The following PRDM10 variants were observed in gnomAD, a reference collection of about 807,000 sequenced individuals.
PRDM10 encodes the protein PR/SET domain 10.
PRDM10 carries 65 observed loss-of-function variants against 133.1 expected under a neutral mutation model. The ratio of observed to expected loss-of-function variants is 0.49; its 90% confidence interval spans 0.40 to 0.60. The LOEUF is 0.60. PRDM10 is among the 20% of genes least tolerant of loss of function. The pLI is 0.00. For missense variants in PRDM10, 1,137 were observed against 1,507.1 expected (o/e 0.75, Z 4.07); for synonymous variants, 582 against 580.4 (o/e 1.00, Z -0.04).
intron 1 of PRDM10, among the ~76,000 whole-genome samples, chr11:129,965,143 C>A (rs1168175002): frequency 4.0e-5 from 6 of 151,870 alleles, no homozygotes; most frequent in Non-Finnish European, 8.8e-5. Context: ...ATTTTATCAG[C>A]AAGACAGGAG....
At chr11:129,940,971 A>C (rs12801743) in intron 7 of PRDM10, among the ~76,000 whole-genome samples, 19,034 of 152,212 alleles carry the variant, frequency 0.13, 1,997 homozygotes, top group East Asian at 0.4. Flanking sequence ...TCACAGTTAA[A>C]AAATATTCAC....
At chr11:129,985,308 T>C (rs1403480377) in intron 1 of PRDM10, among the ~76,000 whole-genome samples, 1 of 152,142 alleles carries the variant, frequency 6.6e-6, no homozygotes, top group East Asian at 1.9e-4. Context: ...TATGTGTATA[T>C]ATATCTCAAT....
At chr11:129,955,192 A>G (rs533228576) in intron 4 of PRDM10, among the ~76,000 whole-genome samples, 3 of 152,324 alleles carry the variant, frequency 2.0e-5, no homozygotes, top group African/African-American at 7.2e-5. Context: ...TACAAAAGCT[A>G]TATCAATTTC....
intron 17 of PRDM10, 55 bp downstream of exon 17, chr11:129,914,649 G>A: frequency 1.3e-6 from 2 of 1,596,646 alleles, no homozygotes; most frequent in Non-Finnish European, 1.7e-6. Flanking sequence ...TGAGAATGAG[G>A]TGCTAGTGGC....
At chr11:129,921,088 C>T (rs1306263434) in intron 13 of PRDM10, among the ~76,000 whole-genome samples, 1 of 152,194 alleles carries the variant, frequency 6.6e-6, no homozygotes, top group African/African-American at 2.4e-5. Flanking sequence ...TGAGCCACCG[C>T]ACCCGGCCAC....
chr11:129,920,412 A>ACCCTTCC (rs1950489556), intron 13 of PRDM10, among the ~76,000 whole-genome samples: 1 of 151,860 alleles, frequency 6.6e-6, no homozygotes, highest in Non-Finnish European at 1.5e-5. Context: ...CTTGCTGTCC[A>ACCCTTCC]CCCTTCCCCC....
At chr11:130,002,631 G>A (rs1939492725) in intron 1 of PRDM10, 91 bp downstream of exon 1, 1 of 153,114 alleles carries the variant, frequency 6.5e-6, no homozygotes, top group Non-Finnish European at 1.5e-5. Context: ...GCCATTTTGG[G>A]TGGGACTAAG....
At chr11:129,955,026 T>C (rs564474608) in intron 4 of PRDM10, among the ~76,000 whole-genome samples, 2 of 152,286 alleles carry the variant, frequency 1.3e-5, no homozygotes, top group East Asian at 3.9e-4. Context: ...CAAAGCCAAG[T>C]AGGATATATC....
At chr11:129,911,704 C>A (rs567963286) in intron 18 of PRDM10, among the ~76,000 whole-genome samples, 1 of 152,298 alleles carries the variant, frequency 6.6e-6, no homozygotes, top group Non-Finnish European at 1.5e-5. Flanking sequence ...TCTCTGAACT[C>A]TGAGAACTTA....
chr11:129,912,587 T>C (rs921278520), intron 17 of PRDM10, among the ~76,000 whole-genome samples: 3 of 150,974 alleles, frequency 2.0e-5, no homozygotes, highest in African/African-American at 7.3e-5. Context: ...CCGTCTCTAC[T>C]GAAAATACAA....
Position 129,926,183 on chromosome 11 carries a change from A to G in PRDM10, c.1531-954T>C, listed in dbSNP as rs568757831. 1.1e-4 allele frequency among the ~76,000 whole-genome samples: 17 copies of G among 152,328 alleles called. No individual in the cohort carries two copies. The South Asian group carries it at 3.3e-3, about 30-fold the overall frequency. On this transcript the variant is annotated intron_variant, in intron 11 of 20. Coordinates refer to ENST00000360871, the MANE Select transcript of PRDM10 (RefSeq NM_199437.2). ...TGCTGATTGGCCATCTTGTAAATTC[A>G]TGCAATTGTTATAGGGCATCCAAGT...
At position 129,947,877 on chromosome 11, in the gene PRDM10, TGGG is replaced by T; in HGVS notation, c.295-510_295-508del. 2.7e-6 allele frequency: 1 copy of T among 366,906 alleles called. No homozygotes were observed. Among genetic ancestry groups the T allele is most frequent in the Non-Finnish European group, 5.4e-6 (1 of 186,458 alleles). The allele number at this position is 366,906 out of a possible 1,614,324, so 22.7% of individuals were successfully genotyped here. ...TTCCACATCTGAACTAAACCTGGGG[TGGG>T]GGTCCCTCTTGCCTTTCCAGAGTAG... On this transcript the variant is annotated intron_variant, in intron 4 of 20. Transcript: ENST00000360871. This position sits in a 1 kb window ranked among gnomAD's most constrained non-coding sequence, Gnocchi z 4.6.
At chr11:129,915,481 G>A (rs1950327994) in intron 16 of PRDM10, among the ~76,000 whole-genome samples, 179 bp downstream of exon 16, 1 of 152,228 alleles carries the variant, frequency 6.6e-6, no homozygotes, top group African/African-American at 2.4e-5. Context: ...GAGGTCCACA[G>A]TATCCTCTTT....
At chr11:129,988,460 G>A (rs1225240184) in intron 1 of PRDM10, among the ~76,000 whole-genome samples, 1 of 152,038 alleles carries the variant, frequency 6.6e-6, no homozygotes, top group African/African-American at 2.4e-5. Flanking sequence ...TCGAACTCCT[G>A]GGCTCAAGTG....
At chr11:129,951,153 A>G (rs1951572087) in intron 4 of PRDM10, among the ~76,000 whole-genome samples, 1 of 152,230 alleles carries the variant, frequency 6.6e-6, no homozygotes, top group Non-Finnish European at 1.5e-5. Flanking sequence ...ACAGGCATGC[A>G]TTACAAATTT....
chr11:129,938,512 C>T (rs1443375212), intron 7 of PRDM10, among the ~76,000 whole-genome samples: 4 of 152,116 alleles, frequency 2.6e-5, no homozygotes, highest in African/African-American at 9.7e-5. Context: ...GATTGTTCTC[C>T]ATCCCCGCTT....
At chr11:129,977,299 CATT>C (rs1016768145) in intron 1 of PRDM10, among the ~76,000 whole-genome samples, 11 of 148,116 alleles carry the variant, frequency 7.4e-5, no homozygotes, top group Admixed American at 1.3e-4. Flanking sequence ...CACACACACA[CATT>C]GAGATGCAGT....
In PRDM10 at chr11:129,923,147, A is replaced by T; in HGVS notation, c.2034+101T>A. 1 of 1,322,054 alleles carries T rather than the reference A, an allele frequency of 7.6e-7. No homozygotes were observed. Among genetic ancestry groups the T allele is most frequent in the Non-Finnish European group, 1.0e-6 (1 of 992,250 alleles). 81.9% of individuals were successfully genotyped at this position (1,322,054 alleles called of 1,614,324 possible). A position where few individuals can be genotyped will look rare whatever the true frequency, so the allele number is the denominator to read the frequency against. ...GAGTATCTCAGGTCCAGTTCATCAG[A>T]GGTGGGTGATAAACTGATGAAATGA... is the stretch of plus-strand genomic sequence containing the variant. On this transcript the variant is annotated intron_variant, in intron 13 of 20. Transcript: ENST00000360871. This position sits in a 1 kb window ranked among gnomAD's most constrained non-coding sequence, Gnocchi z 4.4.
intron 3 of PRDM10, among the ~76,000 whole-genome samples, 179 bp from the exon 4 acceptor site, chr11:129,955,750 T>C (rs1222424210): frequency 6.6e-6 from 1 of 152,264 alleles, no homozygotes; most frequent in African/African-American, 2.4e-5. Flanking sequence ...CTAAAGCTTT[T>C]CATTCACATG....
Sources: allele counts gnomAD v4.1 joint callset (sites outside exome capture counted in the v4.1 genomes callset), GRCh38; gene constraint gnomAD v4.1.1; non-coding constraint Gnocchi (gnomAD v3.1); transcripts MANE v1.5; gene names NCBI Gene and HGNC (gene_info 2026-07-23, HGNC 2026-07-21).